Variants in TRAPPC10 observed in about 807,000 individuals in gnomAD.
The protein encoded by TRAPPC10 is TRAPP 130 kDa subunit.
A neutral mutation model predicts 125.5 loss-of-function variants in TRAPPC10; 23 were observed. The ratio of observed to expected loss-of-function variants is 0.18; its 90% CI spans 0.13 to 0.26. The LOEUF is 0.26. TRAPPC10 is among the 10% of genes least tolerant of loss of function. TRAPPC10 has a pLI of 1.00. For missense variants in TRAPPC10, 1,123 were observed against 1,308.4 expected (o/e 0.86, Z 2.19); for synonymous variants, 509 against 518.0 (o/e 0.98, Z 0.24).
chr21:44,081,017 CTTTTTTTTTTTT>C (rs67865929), intron 13 of TRAPPC10, among the ~76,000 whole-genome samples: 1 of 97,196 alleles, frequency 1.0e-5, no homozygotes, highest in East Asian at 3.0e-4. Context: ...TTTTTTTTTT[CTTTTTTTTTTTT>C]TTTTTTTTGA....
At chr21:44,017,711 C>T (rs753377767) in intron 1 of TRAPPC10, among the ~76,000 whole-genome samples, 4 of 151,470 alleles carry the variant, frequency 2.6e-5, no homozygotes, top group Admixed American at 6.6e-5. Flanking sequence ...ACCTGAAGGT[C>T]GGATTGGACG....
At chr21:44,027,779 G>T (rs2033203565) in intron 1 of TRAPPC10, among the ~76,000 whole-genome samples, 1 of 152,052 alleles carries the variant, frequency 6.6e-6, no homozygotes, top group African/African-American at 2.4e-5. Context: ...TGGGAGGTGG[G>T]GCCTTTGGGA....
chr21:44,031,532 C>T (rs2033582062), intron 1 of TRAPPC10, among the ~76,000 whole-genome samples: 2 of 152,226 alleles, frequency 1.3e-5, no homozygotes, highest in South Asian at 2.1e-4. Flanking sequence ...TGACTTTCCT[C>T]ATCTGTGAAT....
chr21:44,087,547 C>G lies in TRAPPC10; in HGVS notation c.2540-152C>G, dbSNP rs1432907687. ...GGCTTTCACACAGGGCTGCTCTGTC[C>G]TAGGGGCCTTGTTCTTGGGTTTGCC... On this transcript the variant is annotated intron_variant, in intron 16 of 22. Transcript: ENST00000291574. This position sits in a 1 kb window ranked among gnomAD's most constrained non-coding sequence, Gnocchi z 4.6. 1 of 676,668 alleles carries G rather than the reference C, an allele frequency of 1.5e-6. No individual in the cohort carries two copies. The highest frequency in any genetic ancestry group is 2.6e-6 in the Non-Finnish European group (1 of 385,508). 41.9% of individuals were successfully genotyped at this position (676,668 alleles called of 1,614,324 possible).
intron 9 of TRAPPC10, among the ~76,000 whole-genome samples, chr21:44,076,041 C>T (rs919798760): frequency 3.1e-5 from 4 of 127,234 alleles, no homozygotes; most frequent in Non-Finnish European, 4.5e-5. Flanking sequence ...AAGAGCAAAA[C>T]TCTGTCAAAA....
chr21:44,064,727 T>G (rs1471136713), intron 7 of TRAPPC10, among the ~76,000 whole-genome samples: 1 of 152,192 alleles, frequency 6.6e-6, no homozygotes, highest in Non-Finnish European at 1.5e-5. Context: ...TAAAATAATT[T>G]TAAGAGATTT....
At chr21:44,030,649 G>T (rs574198016) in intron 1 of TRAPPC10, among the ~76,000 whole-genome samples, 2 of 151,868 alleles carry the variant, frequency 1.3e-5, no homozygotes, top group Non-Finnish European at 2.9e-5. Flanking sequence ...TATTTTTTTA[G>T]TAGAGACAAG....
At chr21:44,047,529 AGTATGTGT>A (rs1262305245) in intron 3 of TRAPPC10, among the ~76,000 whole-genome samples, 2 of 104,450 alleles carry the variant, frequency 1.9e-5, no homozygotes, top group African/African-American at 6.3e-5. Flanking sequence ...TCTCTGGGGG[AGTATGTGT>A]GTGTGTGTGT....
intron 3 of TRAPPC10, among the ~76,000 whole-genome samples, chr21:44,050,142 T>C (rs1448040331): frequency 6.6e-6 from 1 of 152,176 alleles, no homozygotes; most frequent in Non-Finnish European, 1.5e-5. Flanking sequence ...CTGCTGGTCC[T>C]CTTAAGAGTC....
At chr21:44,081,114 C>T (rs2079885340) in intron 13 of TRAPPC10, among the ~76,000 whole-genome samples, 1 of 145,536 alleles carries the variant, frequency 6.9e-6, no homozygotes, top group African/African-American at 2.6e-5. Context: ...CTTCTGGAGT[C>T]AAGAGATCCT....
Position 44,081,684 on chromosome 21 carries a change from T to C in TRAPPC10, c.1724-1104T>C, listed in dbSNP as rs576175773. ...GGCAGATCACTTGAGGTCAGGAGTT[T>C]GAGACCAGCCTGGGCAACATGGCGA... On this transcript the variant is annotated intron_variant, in intron 13 of 22. Coordinates refer to ENST00000291574, the MANE Select transcript of TRAPPC10 (RefSeq NM_003274.5). 3.8e-3 allele frequency among the ~76,000 whole-genome samples: 579 copies of C among 152,130 alleles called. 5 individuals carry two copies. The highest frequency in any genetic ancestry group is 0.013 in the African/African-American group (540 of 41,502).
chr21:44,087,601 G>T lies in TRAPPC10; in HGVS notation c.2540-98G>T. ...CAGGTGCGCAGGAGCGGGAGAGGTT[G>T]AGCAGTGGCCTCACTGCTGGGCCAT... On this transcript the variant is annotated intron_variant, in intron 16 of 22. Transcript: ENST00000291574. This position sits in a 1 kb window ranked among gnomAD's most constrained non-coding sequence, Gnocchi z 4.6. 9.5e-7 allele frequency: 1 copy of T among 1,051,484 alleles called. No individual in the cohort carries two copies. Among genetic ancestry groups the T allele is most frequent in the South Asian group, 1.4e-5 (1 of 73,348 alleles). The allele number at this position is 1,051,484 out of a possible 1,614,324, so 65.1% of individuals were successfully genotyped here.
chr21:44,075,957 G>A (rs1032520529), intron 9 of TRAPPC10, among the ~76,000 whole-genome samples: 1 of 152,130 alleles, frequency 6.6e-6, no homozygotes, highest in African/African-American at 2.4e-5. Flanking sequence ...GCTGAGGCAG[G>A]AGAATCGCTT....
At chr21:44,020,642 A>G (rs980814042) in intron 1 of TRAPPC10, among the ~76,000 whole-genome samples, 1 of 152,116 alleles carries the variant, frequency 6.6e-6, no homozygotes, top group African/African-American at 2.4e-5. Context: ...TCAAAAAACA[A>G]AAAACAAAAA....
chr21:44,017,977 G>A (rs185344911), intron 1 of TRAPPC10, among the ~76,000 whole-genome samples: 46 of 152,142 alleles, frequency 3.0e-4, no homozygotes, highest in Non-Finnish European at 2.1e-4. Flanking sequence ...TTGGGAACCC[G>A]TGCTGTTAGT....
At chr21:44,061,479 G>C (rs1373804340) in intron 6 of TRAPPC10, among the ~76,000 whole-genome samples, 12 of 150,806 alleles carry the variant, frequency 8.0e-5, no homozygotes, top group Non-Finnish European at 1.8e-4. Context: ...TTGTTGGCCA[G>C]GCTGGTCTCG....
At chr21:44,075,006 A>G (rs765475895) in intron 8 of TRAPPC10, 33 bp from the exon 9 acceptor site, 9 of 1,449,136 alleles carry the variant, frequency 6.2e-6, no homozygotes. Context: ...CTCTTACGGC[A>G]AATTAATTGA....
intron 3 of TRAPPC10, among the ~76,000 whole-genome samples, chr21:44,047,575 C>T (rs1030002921): frequency 4.1e-4 from 50 of 122,072 alleles, no homozygotes; most frequent in African/African-American, 2.0e-3. Context: ...TGCGCGCACA[C>T]GCTACATGAA....
chr21:44,087,976 C>T lies in TRAPPC10; in HGVS notation c.2769+48C>T, dbSNP rs767412033. The T allele has an allele frequency of 7.2e-6, 11 of 1,518,166 alleles. No individual in the cohort carries two copies. The highest frequency in any genetic ancestry group is 1.9e-5 in the Admixed American group (1 of 52,780). The allele number at this position is 1,518,166 out of a possible 1,614,324, so 94.0% of individuals were successfully genotyped here. ...CTTAGCTTGTGGGGCGTCCGCCGCC[C>T]GCCTGCCTGCTGGGAAAGGCGATGT... On this transcript the variant is annotated intron_variant, in intron 17 of 22. Transcript: ENST00000291574. This position sits in a 1 kb window ranked among gnomAD's most constrained non-coding sequence, Gnocchi z 4.6.
Sources: allele counts gnomAD v4.1 joint callset (sites outside exome capture counted in the v4.1 genomes callset), GRCh38; gene constraint gnomAD v4.1.1; non-coding constraint Gnocchi (gnomAD v3.1); transcripts MANE v1.5; gene names NCBI Gene and HGNC (gene_info 2026-07-23, HGNC 2026-07-21).